Variants in POLR2C observed in about 807,000 individuals in gnomAD.
POLR2C encodes RNA polymerase II subunit C.
A neutral mutation model predicts 41.7 loss-of-function variants in POLR2C; 36 were observed. The ratio of observed to expected loss-of-function variants is 0.86; its 90% CI spans 0.66 to 1.14. POLR2C has a LOEUF of 1.14. POLR2C is among the 50% of genes most tolerant of loss of function. The pLI is 0.00. For missense variants in POLR2C, 260 were observed against 350.4 expected (o/e 0.74, Z 2.06); for synonymous variants, 133 against 137.8 (o/e 0.96, Z 0.25).
intron 2 of POLR2C, chr16:57,463,285 T>G (rs1279199034): frequency 3.2e-6 from 2 of 622,430 alleles, no homozygotes; most frequent in African/African-American, 3.7e-5. Flanking sequence ...GGTCCACCCT[T>G]GTCCTGGGTA....
chr16:57,469,674 T>C lies in POLR2C; in HGVS notation c.388-36T>C. 1.3e-6 allele frequency: 2 copies of C among 1,574,850 alleles called. No individual in the cohort carries two copies. The highest frequency in any genetic ancestry group is 1.7e-6 in the Non-Finnish European group (2 of 1,146,464). ...ATGCCAGAGGAGGTGACTGGGGAGGTGAGCAGCTAATGAATGCCTGGTGGA... is the reference window on the plus strand; with the variant it reads ...ATGCCAGAGGAGGTGACTGGGGAGGCGAGCAGCTAATGAATGCCTGGTGGA... On this transcript the variant is annotated intron_variant, in intron 5 of 8. Coordinates refer to ENST00000219252, the MANE Select transcript of POLR2C (RefSeq NM_032940.3). This position sits in a 1 kb window ranked among gnomAD's most constrained non-coding sequence, Gnocchi z 5.8.
At position 57,462,730 on chromosome 16, in the gene POLR2C, G is replaced by T. The variant is rs770147710; in HGVS notation, c.6G>T (p.Pro2=). ...GCTGGTGGCCCCTGGGCGAGATGCC[G>T]TACGCCAACCAGCCTACCGTGCGGA... is the stretch of plus-strand genomic sequence containing the variant. M[P]YANQPTVRIT... Residue 2 remains proline, a synonymous_variant, in exon 1 of 9, where the codon CCG becomes CCT. Coordinates refer to ENST00000219252, the MANE Select transcript of POLR2C (RefSeq NM_032940.3). The T allele has an allele frequency of 7.5e-6, 12 of 1,599,586 alleles. No individual in the cohort carries two copies. The Middle Eastern group carries it at 5.0e-4, about 67-fold the overall frequency.
In POLR2C at chr16:57,471,064, AT is replaced by A; in HGVS notation, c.776del (p.Leu259TyrfsTer5). 1 of 1,613,318 alleles carries A rather than the reference AT, an allele frequency of 6.2e-7. No homozygotes were observed. The highest frequency in any genetic ancestry group is 8.5e-7 in the Non-Finnish European group (1 of 1,179,236). On this transcript the variant is annotated frameshift_variant, in exon 9 of 9. Transcript: ENST00000219252. LOFTEE classifies it high-confidence loss of function. ...TCAGGATTGAAGAAGAAACTGAGTG[AT>A]TTACAAACTCAATTAAGCCACGAGA... ...ALSGLKKKLS[D>X]LQTQLSHEIQ...
intron 3 of POLR2C, 41 bp downstream of exon 3, chr16:57,466,062 G>A (rs1487104653): frequency 6.9e-6 from 10 of 1,451,200 alleles, no homozygotes; most frequent in Non-Finnish European, 9.7e-6. Context: ...GGAGGGTATT[G>A]TGCCTAGTGT....
intron 2 of POLR2C, chr16:57,463,298 C>A (rs2030626766): frequency 3.3e-6 from 2 of 610,762 alleles, no homozygotes; most frequent in Non-Finnish European, 5.9e-6. Flanking sequence ...CCTGGGTATG[C>A]ATTGCTGAGA....
Position 57,470,353 on chromosome 16 carries a change from A to T in POLR2C, c.682A>T (p.Arg228Trp). 1 of 1,603,478 alleles carries T rather than the reference A, an allele frequency of 6.2e-7. No individual in the cohort carries two copies. The highest frequency in any genetic ancestry group is 1.1e-5 in the South Asian group (1 of 89,368). The change falls in exon 8 of 9, where the codon AGG becomes TGG. Residue 228 changes from arginine to tryptophan, a missense_variant and splice_region_variant. By Grantham distance (101) the Arg-to-Trp change is moderately radical. Transcript: ENST00000219252. The stretch of plus-strand genomic sequence containing the variant: ...CTATGACCCCAACGGCAAGCCAGAA[A>T]GGTAAGAGCCTGGTTGGACATGGGA... ...APYDPNGKPE[R>W]FYYNVESCGS... is the part of the protein sequence containing the mutation.
rs1243907918 is a variant in POLR2C at position 57,462,708 on chromosome 16, G to A, written c.-17G>A. ...TCACCGCGGAGCAGACGCGGAGGCTGGTGGCCCCTGGGCGAGATGCCGTAC... is the reference window on the plus strand; with the variant it reads ...TCACCGCGGAGCAGACGCGGAGGCTAGTGGCCCCTGGGCGAGATGCCGTAC... On this transcript the variant is annotated 5_prime_UTR_variant, in exon 1 of 9. Coordinates refer to ENST00000219252, the MANE Select transcript of POLR2C (RefSeq NM_032940.3). The A allele has an allele frequency of 1.7e-5, 27 of 1,578,034 alleles. No homozygotes were observed. The highest frequency in any genetic ancestry group is 2.0e-5 in the Non-Finnish European group (23 of 1,160,720).
rs1205090802 is a variant in POLR2C, at chr16:57,469,810, C to G, written c.439+49C>G. On this transcript the variant is annotated intron_variant, in intron 6 of 8. Coordinates refer to ENST00000219252, the MANE Select transcript of POLR2C (RefSeq NM_032940.3). The surrounding 1 kb of genome is among the most constrained non-coding windows in gnomAD (Gnocchi z 5.8). ...GTGTGGGCCAGCGGGAAGGAGGGAC[C>G]AGACACAGCCTCTCGTGCTGCCTGG... The G allele has an allele frequency of 6.3e-6, 10 of 1,583,344 alleles. No individual in the cohort carries two copies. The highest frequency in any genetic ancestry group is 8.7e-6 in the Non-Finnish European group (10 of 1,151,998).
chr16:57,465,150 AGCTTG>A (rs2030674313), intron 2 of POLR2C, among the ~76,000 whole-genome samples: 1 of 152,092 alleles, frequency 6.6e-6, no homozygotes. Context: ...GAGGCAGAAA[AGCTTG>A]GGTCAGGGTT....
rs1567584361 is a variant in POLR2C, at chr16:57,469,969, ATCG to A, written c.451_453del (p.Val151del). The A allele has an allele frequency of 1.2e-6, 2 of 1,613,628 alleles. No homozygotes were observed. Among genetic ancestry groups the A allele is most frequent in the Non-Finnish European group, 1.7e-6 (2 of 1,179,858 alleles). ...TGTGCCTCTCCCTGCAGACATCCTC[ATCG>A]TCAAGTTGAGAAAGGGCCAGGAGCT... On this transcript the variant is annotated inframe_deletion, in exon 7 of 9. Transcript: ENST00000219252. The surrounding 1 kb of genome is among the most constrained non-coding windows in gnomAD (Gnocchi z 5.8).
In POLR2C at chr16:57,470,277, C is replaced by T. The variant is rs1489105692; in HGVS notation, c.609-3C>T. 4 of 1,610,666 alleles carry T rather than the reference C, an allele frequency of 2.5e-6. No homozygotes were observed. The South Asian group carries it at 3.3e-5, about 13-fold the overall frequency. On this transcript the variant is annotated splice_region_variant and splice_polypyrimidine_tract_variant and intron_variant, in intron 7 of 8. Transcript: ENST00000219252. ...CCTTGTGCTGACCTGTGTTTGACCTCAGGCCAAAGAGTGAGTACTCGGAGC... is the reference window on the plus strand; with the variant it reads ...CCTTGTGCTGACCTGTGTTTGACCTTAGGCCAAAGAGTGAGTACTCGGAGC...
chr16:57,469,447 C>T lies in POLR2C; in HGVS notation c.387+154C>T, dbSNP rs1482248783. 1.2e-6 allele frequency: 1 copy of T among 866,262 alleles called. No homozygotes were observed. The highest frequency in any genetic ancestry group is 2.6e-5 in the East Asian group (1 of 38,368). The allele number at this position is 866,262 out of a possible 1,614,324, so 53.7% of individuals were successfully genotyped here. ...TCCCTAGAAGTGCTAATTCTGGATT[C>T]CTCTTGGGCATCGTTAGCATCGTTG... On this transcript the variant is annotated intron_variant, in intron 5 of 8. Coordinates refer to ENST00000219252, the MANE Select transcript of POLR2C (RefSeq NM_032940.3). The surrounding 1 kb of genome is among the most constrained non-coding windows in gnomAD (Gnocchi z 5.8).
chr16:57,469,014 C>T lies in POLR2C; in HGVS notation c.259-151C>T, dbSNP rs2239355. 0.033 allele frequency: 22,863 copies of T among 696,342 alleles called. 686 individuals carry two copies. The highest frequency in any genetic ancestry group is 0.099 in the East Asian group (3,566 of 36,048). The allele number at this position is 696,342 out of a possible 1,614,324, so 43.1% of individuals were successfully genotyped here. The stretch of plus-strand genomic sequence containing the variant: ...ATGAGAATGGTATACCAGATTGTCA[C>T]AGCCCACAAGAACCTGGATACTGAT... On this transcript the variant is annotated intron_variant, in intron 4 of 8. Coordinates refer to ENST00000219252, the MANE Select transcript of POLR2C (RefSeq NM_032940.3). This position sits in a 1 kb window ranked among gnomAD's most constrained non-coding sequence, Gnocchi z 5.8.
rs760294014 is a variant in POLR2C at position 57,462,753 on chromosome 16, G to A, written c.29G>A (p.Arg10Gln). Reference protein sequence around the residue: MPYANQPTVRITELTDENVK... With the variant: MPYANQPTVQITELTDENVK... Reference sequence around the variant, plus strand: ...CCGTACGCCAACCAGCCTACCGTGCGGATCACGGAGCTCACTGACGAGAAT... The same window carrying A: ...CCGTACGCCAACCAGCCTACCGTGCAGATCACGGAGCTCACTGACGAGAAT... Residue 10 changes from arginine to glutamine, a missense_variant, in exon 1 of 9, where the codon CGG (arginine) becomes CAG (glutamine). Coordinates refer to ENST00000219252, the MANE Select transcript of POLR2C (RefSeq NM_032940.3). 6.2e-7 allele frequency: 1 copy of A among 1,607,448 alleles called. No homozygotes were observed. The highest frequency in any genetic ancestry group is 8.5e-7 in the Non-Finnish European group (1 of 1,176,942).
At chr16:57,470,902 AGGGTTGTCCATGGCCAGAGCTC>A in intron 8 of POLR2C, 51 bp from the exon 9 acceptor site, 1 of 1,438,250 alleles carries the variant, frequency 7.0e-7, no homozygotes, top group Non-Finnish European at 9.7e-7. Flanking sequence ...GGAAGGAGGA[AGGGTTGTCCATGGCCAGAGCTC>A]GGGTCGGCCA....
intron 2 of POLR2C, chr16:57,464,153 A>G (rs2030649107): frequency 6.5e-6 from 1 of 153,238 alleles, no homozygotes; most frequent in Non-Finnish European, 1.5e-5. Context: ...AAGTGAGGTA[A>G]TCCATATAAG....
In POLR2C at chr16:57,470,061, A is replaced by G; in HGVS notation, c.540A>G (p.Ala180=). Residue 180 remains alanine (A), a synonymous_variant, in exon 7 of 9, where the codon GCA becomes GCG. Coordinates refer to ENST00000219252, the MANE Select transcript of POLR2C (RefSeq NM_032940.3). ...GKEHAKWNPT[A]GVAFEYDPDN... is the part of the protein sequence containing the mutation. ...AGCATGCCAAGTGGAACCCTACTGC[A>G]GGGGTGGCTTTTGAATACGATCCAG... 6.2e-7 allele frequency: 1 copy of G among 1,614,204 alleles called. No individual in the cohort carries two copies. Among genetic ancestry groups the G allele is most frequent in the South Asian group, 1.1e-5 (1 of 91,090 alleles).
intron 8 of POLR2C, 122 bp downstream of exon 8, chr16:57,470,476 C>A: frequency 1.4e-6 from 1 of 712,574 alleles, no homozygotes; most frequent in Non-Finnish European, 2.4e-6. Flanking sequence ...GGAGGGGCTG[C>A]TGACTGCTAA....
Position 57,470,018 on chromosome 16 carries a change from A to T in POLR2C, c.497A>T (p.Lys166Ile), listed in dbSNP as rs139254046. The T allele has an allele frequency of 6.2e-7, 1 of 1,614,196 alleles. No homozygotes were observed. Among genetic ancestry groups the T allele is most frequent in the Non-Finnish European group, 8.5e-7 (1 of 1,180,022 alleles). ...GQELRLRAYA[K>I]KGFGKEHAKW... ...GAGCTGAGACTTCGAGCCTATGCCA[A>T]AAAGGGCTTTGGCAAGGAGCATGCC... Residue 166 changes from lysine to isoleucine, a missense_variant, in exon 7 of 9, where the codon AAA becomes ATA. Transcript: ENST00000219252.
Sources: allele counts gnomAD v4.1 joint callset (sites outside exome capture counted in the v4.1 genomes callset), GRCh38; gene constraint gnomAD v4.1.1; non-coding constraint Gnocchi (gnomAD v3.1); transcripts MANE v1.5; gene names NCBI Gene and HGNC (gene_info 2026-07-23, HGNC 2026-07-21).